The following ZHX2 variants were observed in gnomAD, a reference collection of about 807,000 sequenced individuals.
ZHX2 encodes the protein zinc fingers and homeoboxes 2, also known as zinc fingers and homeoboxes protein 2.
In ZHX2, 6 loss-of-function variants were observed where a neutral mutation model predicts 21.9. The ratio of observed to expected loss-of-function variants is 0.27; its 90% CI spans 0.15 to 0.54. The LOEUF (loss-of-function observed/expected upper bound fraction) is 0.54, where lower values mean the gene tolerates loss of function less well. ZHX2 is among the 20% of genes least tolerant of loss of function. The probability of loss-of-function intolerance (pLI) is 0.95; values close to 1 mark genes in which losing one functional copy is unlikely to be tolerated. For synonymous variants in ZHX2, 434 were observed against 437.1 expected, an observed-to-expected ratio of 0.99 and a Z score of 0.09; for missense variants, 908 against 1,090.7, an observed-to-expected ratio of 0.83 and a Z score of 2.36.
At chr8:122,825,756 T>C (rs1247146106) in intron 1 of ZHX2, among the ~76,000 whole-genome samples, 1 of 152,230 alleles carries the variant, frequency 6.6e-6, no homozygotes. Context: ...GTCTGTAATT[T>C]ATCCTTCTCC....
At chr8:122,903,725 A>T (rs761759501) in intron 2 of ZHX2, among the ~76,000 whole-genome samples, 6 of 152,114 alleles carry the variant, frequency 3.9e-5, no homozygotes, top group Non-Finnish European at 7.4e-5. Context: ...GTATCTCCTG[A>T]TGTTGGCTTT....
chr8:122,851,126 G>A (rs188579457), intron 1 of ZHX2, among the ~76,000 whole-genome samples: 11 of 152,322 alleles, frequency 7.2e-5, no homozygotes, highest in African/African-American at 2.4e-4. Context: ...GATGCCTGGG[G>A]GGTGCGAGAC....
chr8:122,868,739 G>T (rs1819360517), intron 2 of ZHX2, among the ~76,000 whole-genome samples: 2 of 151,186 alleles, frequency 1.3e-5, no homozygotes, highest in Non-Finnish European at 2.9e-5. Context: ...ACATGGCGGG[G>T]CTCACCTATG....
At chr8:122,802,602 A>T (rs1817740890) in intron 1 of ZHX2, among the ~76,000 whole-genome samples, 1 of 152,206 alleles carries the variant, frequency 6.6e-6, no homozygotes, top group Non-Finnish European at 1.5e-5. Flanking sequence ...GTGTTGAGCA[A>T]GCAGGCTGCC....
chr8:122,939,236 A>G (rs1812781539), intron 2 of ZHX2, among the ~76,000 whole-genome samples: 1 of 152,162 alleles, frequency 6.6e-6, no homozygotes, highest in Non-Finnish European at 1.5e-5. Context: ...TGAGGCTTCA[A>G]AGGATTGGTG....
At chr8:122,928,436 G>T (rs1820906540) in intron 2 of ZHX2, among the ~76,000 whole-genome samples, 2 of 152,182 alleles carry the variant, frequency 1.3e-5, no homozygotes, top group African/African-American at 2.4e-5. Context: ...AGGGAGAAGA[G>T]TGTGTGAGGT....
At chr8:122,797,989 G>A (rs184338942) in intron 1 of ZHX2, among the ~76,000 whole-genome samples, 184 of 152,228 alleles carry the variant, frequency 1.2e-3, no homozygotes, top group African/African-American at 4.2e-3. Context: ...CCGGGAGGGC[G>A]TCCCTGTTGT....
chr8:122,846,547 G>A (rs1284475592), intron 1 of ZHX2, among the ~76,000 whole-genome samples: 1 of 129,686 alleles, frequency 7.7e-6, no homozygotes, highest in Non-Finnish European at 1.6e-5. Context: ...CAGACTTTGT[G>A]TATTTTTTTT....
intron 1 of ZHX2, among the ~76,000 whole-genome samples, chr8:122,863,114 A>AG (rs1443246258): frequency 6.6e-6 from 1 of 152,076 alleles, no homozygotes; most frequent in Non-Finnish European, 1.5e-5. Flanking sequence ...GCAACCATGA[A>AG]GGGCCGCTGC....
At chr8:122,913,435 A>G (rs868591994) in intron 2 of ZHX2, among the ~76,000 whole-genome samples, 6 of 152,212 alleles carry the variant, frequency 3.9e-5, no homozygotes, top group South Asian at 2.1e-4. Flanking sequence ...GCCCCTAAAA[A>G]TAATTTCTTC....
chr8:122,861,035 CAAAAAA>C (rs36046690), intron 1 of ZHX2, among the ~76,000 whole-genome samples: 1 of 66,768 alleles, frequency 1.5e-5, no homozygotes, highest in Non-Finnish European at 2.7e-5. Flanking sequence ...GACTTCGTCT[CAAAAAA>C]AAAAAAAAAA....
intron 1 of ZHX2, among the ~76,000 whole-genome samples, chr8:122,797,892 G>T (rs1314358303): frequency 6.6e-6 from 1 of 152,158 alleles, no homozygotes; most frequent in Non-Finnish European, 1.5e-5. Flanking sequence ...CACGCTAATG[G>T]CTGACAGTTA....
chr8:122,947,092 C>CAAAA (rs57090731), intron 2 of ZHX2, among the ~76,000 whole-genome samples: 17,105 of 66,896 alleles, frequency 0.26, 2,200 homozygotes, highest in South Asian at 0.37. Flanking sequence ...CCTGTCTTTG[C>CAAAA]AAAAAAAAAA....
At chr8:122,857,915 T>C (rs983424989) in intron 1 of ZHX2, among the ~76,000 whole-genome samples, 2 of 152,246 alleles carry the variant, frequency 1.3e-5, no homozygotes, top group African/African-American at 2.4e-5. Context: ...GTGGCTGTTA[T>C]GTGAGCAATT....
intron 2 of ZHX2, among the ~76,000 whole-genome samples, chr8:122,947,555 C>T (rs1214611364): frequency 6.6e-6 from 1 of 152,234 alleles, no homozygotes; most frequent in Non-Finnish European, 1.5e-5. Context: ...ACACTTGCTC[C>T]TCTTTTAACC....
chr8:122,965,031 C>CTTTTTTTT (rs140185712), intron 3 of ZHX2, among the ~76,000 whole-genome samples: 2 of 111,534 alleles, frequency 1.8e-5, no homozygotes, highest in Admixed American at 8.8e-5. Context: ...CTTCTCTCTT[C>CTTTTTTTT]TGTTTTTTTT....
chr8:122,957,712 C>T (rs1813344609), intron 3 of ZHX2, among the ~76,000 whole-genome samples: 2 of 152,112 alleles, frequency 1.3e-5, no homozygotes, highest in Non-Finnish European at 2.9e-5. Context: ...CTCAGGTGAT[C>T]CATCTGCCTC....
At chr8:122,825,266 C>G (rs1478522151) in intron 1 of ZHX2, among the ~76,000 whole-genome samples, 2 of 152,200 alleles carry the variant, frequency 1.3e-5, no homozygotes, top group Non-Finnish European at 2.9e-5. Context: ...ACCCCCACAC[C>G]TTCTGTGCCC....
At chr8:122,784,825 C>T (rs1414246943) in intron 1 of ZHX2, among the ~76,000 whole-genome samples, 2 of 152,182 alleles carry the variant, frequency 1.3e-5, no homozygotes, top group African/African-American at 2.4e-5. Context: ...CTAACTTGCC[C>T]AAGTCCAAAC....
Sources: allele counts gnomAD v4.1 joint callset (sites outside exome capture counted in the v4.1 genomes callset), GRCh38; gene constraint gnomAD v4.1.1; transcripts MANE v1.5; gene names NCBI Gene and HGNC (gene_info 2026-07-23, HGNC 2026-07-21).